Variants in PCDH7 observed in about 807,000 individuals in gnomAD.
The protein encoded by PCDH7 is protocadherin 7, also known as protocadherin-7.
A neutral mutation model predicts 58.9 loss-of-function variants in PCDH7; 17 were observed. That is an observed-to-expected ratio of 0.29 (90% CI 0.20 to 0.43). The LOEUF is 0.43. Ranked by LOEUF, PCDH7 falls within the 20% of genes least tolerant of loss-of-function variation. The pLI is 1.00. For synonymous variants in PCDH7, 664 were observed against 616.4 expected (o/e 1.08, Z -1.14); for missense variants, 1,274 against 1,441.0 (o/e 0.88, Z 1.88).
intron 3 of PCDH7, among the ~76,000 whole-genome samples, chr4:31,002,445 G>A (rs943888138): frequency 2.0e-5 from 3 of 152,142 alleles, no homozygotes; most frequent in African/African-American, 7.2e-5. Flanking sequence ...AATTAAATTG[G>A]CATAAATAAG....
At chr4:31,028,805 A>C (rs1020501151) in intron 3 of PCDH7, among the ~76,000 whole-genome samples, 2 of 152,232 alleles carry the variant, frequency 1.3e-5, no homozygotes, top group African/African-American at 4.8e-5. Context: ...TCTTCCAAAA[A>C]GAAGCTCATT....
At chr4:30,747,061 A>T (rs892192220) in intron 1 of PCDH7, among the ~76,000 whole-genome samples, 8 of 152,306 alleles carry the variant, frequency 5.3e-5, no homozygotes, top group African/African-American at 1.9e-4. Flanking sequence ...AAGTATTTCA[A>T]TGCATTTTTT....
At chr4:30,850,629 TTAAC>T (rs1228868353) in intron 1 of PCDH7, among the ~76,000 whole-genome samples, 7 of 152,084 alleles carry the variant, frequency 4.6e-5, no homozygotes, top group African/African-American at 1.7e-4. Context: ...CAGAAGTTGT[TTAAC>T]TAAGTTGATA....
At chr4:30,760,073 C>A (rs1719826802) in intron 1 of PCDH7, among the ~76,000 whole-genome samples, 1 of 151,834 alleles carries the variant, frequency 6.6e-6, no homozygotes, top group Non-Finnish European at 1.5e-5. Context: ...AAAAAAAAAA[C>A]TTAAGAAGTA....
intron 1 of PCDH7, among the ~76,000 whole-genome samples, chr4:30,817,571 A>C (rs1410221959): frequency 6.6e-6 from 1 of 152,200 alleles, no homozygotes; most frequent in Non-Finnish European, 1.5e-5. Context: ...AGACTTATGT[A>C]ATTTGTTGAA....
intron 1 of PCDH7, among the ~76,000 whole-genome samples, chr4:30,911,133 G>A (rs1741691486): frequency 6.6e-6 from 1 of 152,022 alleles, no homozygotes; most frequent in South Asian, 2.1e-4. Flanking sequence ...ACAGGGAGAG[G>A]AACATCACCT....
At chr4:30,889,515 A>T (rs1738324903) in intron 1 of PCDH7, among the ~76,000 whole-genome samples, 1 of 152,168 alleles carries the variant, frequency 6.6e-6, no homozygotes, top group African/African-American at 2.4e-5. Flanking sequence ...AACAATATAT[A>T]TACAAAATCT....
At chr4:31,145,986 T>G (rs1332763663), downstream of PCDH7, 1 of 152,110 alleles carries the variant, frequency 6.6e-6, no homozygotes, top group Non-Finnish European at 1.5e-5. Flanking sequence ...CATTTATAAA[T>G]TAATGAGTAA....
chr4:31,056,478 AAAG>A (rs1757214858), intron 3 of PCDH7, among the ~76,000 whole-genome samples: 1 of 142,696 alleles, frequency 7.0e-6, no homozygotes, highest in Non-Finnish European at 1.5e-5. Flanking sequence ...AGAAAGAAAG[AAAG>A]AAAGAAAGAA....
chr4:31,030,941 C>T (rs1221854878), intron 3 of PCDH7, among the ~76,000 whole-genome samples: 1 of 152,034 alleles, frequency 6.6e-6, no homozygotes, highest in Non-Finnish European at 1.5e-5. Flanking sequence ...GGCATTTTCC[C>T]AAGAAAGCTC....
At chr4:30,724,358 G>A (rs367620060) in exon 1 of PCDH7, 24 of 1,614,062 alleles carry the variant, frequency 1.5e-5, no homozygotes, top group Non-Finnish European at 1.9e-5. Flanking sequence ...AGCATGGGGC[G>A]ATACAGGTCC....
At chr4:30,985,546 A>G (rs973225382) in intron 3 of PCDH7, among the ~76,000 whole-genome samples, 1 of 152,134 alleles carries the variant, frequency 6.6e-6, no homozygotes, top group Non-Finnish European at 1.5e-5. Context: ...ACCTTGGACA[A>G]TTTATTTAAT....
chr4:30,880,529 A>C (rs1213363903), intron 1 of PCDH7, among the ~76,000 whole-genome samples: 1 of 152,176 alleles, frequency 6.6e-6, no homozygotes, highest in Non-Finnish European at 1.5e-5. Flanking sequence ...TTTCTAATAA[A>C]GTTCTTTATG....
chr4:31,000,163 T>A (rs1268581671), intron 3 of PCDH7, among the ~76,000 whole-genome samples: 2 of 152,210 alleles, frequency 1.3e-5, no homozygotes, highest in Non-Finnish European at 1.5e-5. Flanking sequence ...CTGGAATAGC[T>A]TTGCAATTGA....
rs951312525 is a variant in PCDH7, at chr4:30,949,120, A to G, written c.288-1000A>G. On this transcript the variant is annotated intron_variant, in intron 2 of 3. Coordinates refer to the PCDH7 transcript ENST00000509759. Reference sequence around the variant, plus strand: ...ACACTAAGAAACATATTTGTGTATGAAGTCACACACAGGAAAATTAATTCT... The same window carrying G: ...ACACTAAGAAACATATTTGTGTATGGAGTCACACACAGGAAAATTAATTCT... Among the ~76,000 whole-genome samples the G allele has an allele frequency of 5.3e-5, 8 of 152,308 alleles. No homozygotes were observed. In the South Asian group the frequency reaches 1.0e-3, roughly 20 times the overall value.
intron 3 of PCDH7, among the ~76,000 whole-genome samples, chr4:31,117,292 T>C (rs1363315354): frequency 6.6e-6 from 1 of 152,226 alleles, no homozygotes. Flanking sequence ...CCTAATTACC[T>C]GGGCTAAACT....
At chr4:30,959,350 AG>A (rs1748167694) in intron 3 of PCDH7, among the ~76,000 whole-genome samples, 1 of 152,110 alleles carries the variant, frequency 6.6e-6, no homozygotes, top group Admixed American at 6.5e-5. Flanking sequence ...TAGCAATTAA[AG>A]TTATGAACTA....
At chr4:30,905,041 T>C (rs750495780) in intron 1 of PCDH7, among the ~76,000 whole-genome samples, 1 of 152,134 alleles carries the variant, frequency 6.6e-6, no homozygotes, top group Non-Finnish European at 1.5e-5. Flanking sequence ...GTGCAGTTTA[T>C]GTGAAATGTC....
chr4:30,969,616 G>C (rs1330876863), intron 3 of PCDH7, among the ~76,000 whole-genome samples: 2 of 152,128 alleles, frequency 1.3e-5, no homozygotes, highest in Admixed American at 1.3e-4. Flanking sequence ...ATCTAAGAAT[G>C]CTTGGAAGAT....
Sources: allele counts gnomAD v4.1 joint callset (sites outside exome capture counted in the v4.1 genomes callset), GRCh38; gene constraint gnomAD v4.1.1; transcripts MANE v1.5; gene names NCBI Gene and HGNC (gene_info 2026-07-23, HGNC 2026-07-21).